TSHZ2: variants seen among roughly 807,000 people sequenced by gnomAD.
TSHZ2 encodes the protein teashirt zinc finger homeobox 2.
Under a neutral mutation model 74.4 loss-of-function variants are expected in TSHZ2, and 21 were observed. That is an observed-to-expected ratio of 0.28 (90% confidence interval 0.20 to 0.41). TSHZ2 has a LOEUF of 0.41. Among genes scored for constraint, TSHZ2 ranks in the 10% least tolerant of loss-of-function variants. TSHZ2 has a pLI of 1.00. For synonymous variants in TSHZ2, 540 were observed against 515.3 expected, an observed-to-expected ratio of 1.05 and a Z score of -0.65; for missense variants, 1,244 against 1,293.5, an observed-to-expected ratio of 0.96 and a Z score of 0.59.
intron 1 of TSHZ2, among the ~76,000 whole-genome samples, chr20:53,036,490 T>A (rs537188652): frequency 6.6e-6 from 1 of 151,258 alleles, no homozygotes; most frequent in Non-Finnish European, 1.5e-5. Flanking sequence ...CACATATACA[T>A]ACACACATAT....
intron 2 of TSHZ2, among the ~76,000 whole-genome samples, chr20:53,454,327 G>C (rs186120389): frequency 2.4e-4 from 36 of 152,246 alleles, no homozygotes; most frequent in African/African-American, 8.7e-4. Context: ...ACTTTGGGAG[G>C]CCAAGGCAGG....
intron 1 of TSHZ2, among the ~76,000 whole-genome samples, 195 bp from the exon 2 acceptor site, chr20:53,253,304 A>G (rs1181601615): frequency 1.0e-5 from 1 of 95,342 alleles, no homozygotes; most frequent in Admixed American, 9.5e-5. Flanking sequence ...GCCAATTGAA[A>G]AAAAAAAAAA....
chr20:53,139,497 C>A lies in TSHZ2; in HGVS notation c.41-114002C>A, dbSNP rs146101755. ...CGTTTACTCTGCCCTGCTGTGGTACCAGCTGCCAGCCTGGAGTACTTTCCT... is the reference window on the plus strand; with the variant it reads ...CGTTTACTCTGCCCTGCTGTGGTACAAGCTGCCAGCCTGGAGTACTTTCCT... On this transcript the variant is annotated intron_variant, in intron 1 of 2. Coordinates refer to ENST00000371497, the MANE Select transcript of TSHZ2 (RefSeq NM_173485.6). Among the ~76,000 whole-genome samples, 1,341 of 152,254 alleles carry A rather than the reference C, an allele frequency of 8.8e-3. 23 individuals are homozygous for A. Among genetic ancestry groups the A allele is most frequent in the African/African-American group, 0.03 (1,238 of 41,552 alleles).
At chr20:53,223,727 C>A (rs1989616551) in intron 1 of TSHZ2, among the ~76,000 whole-genome samples, 1 of 151,882 alleles carries the variant, frequency 6.6e-6, no homozygotes, top group South Asian at 2.1e-4. Flanking sequence ...CTTGTAATGA[C>A]CAAATTATGG....
chr20:53,092,984 G>C (rs1985929657), intron 1 of TSHZ2, among the ~76,000 whole-genome samples: 1 of 152,186 alleles, frequency 6.6e-6, no homozygotes, highest in South Asian at 2.1e-4. Context: ...AACAAGCGGT[G>C]AGCCGGATAT....
intron 2 of TSHZ2, among the ~76,000 whole-genome samples, chr20:53,472,206 C>A (rs1985828601): frequency 2.0e-5 from 3 of 152,186 alleles, no homozygotes; most frequent in Admixed American, 1.3e-4. Context: ...AGAAGGACAC[C>A]AAGTGGACTA....
chr20:53,363,442 A>T (rs1478437808), intron 2 of TSHZ2, among the ~76,000 whole-genome samples: 1 of 152,222 alleles, frequency 6.6e-6, no homozygotes. Context: ...CAAGGAGCAT[A>T]TCATTGGGAT....
intron 1 of TSHZ2, among the ~76,000 whole-genome samples, chr20:53,245,184 C>G (rs1485865701): frequency 1.3e-5 from 2 of 152,182 alleles, no homozygotes; most frequent in African/African-American, 4.8e-5. Context: ...GAAGCAGATA[C>G]TATTATTATT....
At chr20:53,163,386 T>TTTTTTTTTTG (rs57531331) in intron 1 of TSHZ2, among the ~76,000 whole-genome samples, 1 of 117,940 alleles carries the variant, frequency 8.5e-6, no homozygotes, top group Non-Finnish European at 1.8e-5. Context: ...TTTTTTTTTT[T>TTTTTTTTTTG]GAGGTTTCAG....
intron 1 of TSHZ2, among the ~76,000 whole-genome samples, chr20:52,973,552 T>C (rs1311363760): frequency 6.6e-6 from 1 of 152,172 alleles, no homozygotes; most frequent in African/African-American, 2.4e-5. Context: ...CCACCAAGCC[T>C]TTCCTCCTTA....
intron 1 of TSHZ2, among the ~76,000 whole-genome samples, chr20:53,203,191 ATTTTTTTT>A: frequency 7.7e-6 from 1 of 130,544 alleles, no homozygotes. Context: ...GCAGACTCAA[ATTTTTTTT>A]TTTTTTTTTT....
At chr20:53,023,297 A>G (rs1224511233) in intron 1 of TSHZ2, among the ~76,000 whole-genome samples, 1 of 152,154 alleles carries the variant, frequency 6.6e-6, no homozygotes. Context: ...ATAGTCAGAG[A>G]TATAATCTAT....
intron 1 of TSHZ2, among the ~76,000 whole-genome samples, chr20:53,184,885 T>C (rs1988564285): frequency 6.6e-6 from 1 of 152,106 alleles, no homozygotes; most frequent in African/African-American, 2.4e-5. Context: ...TTTTTATATT[T>C]TTAGTATAGA....
intron 1 of TSHZ2, among the ~76,000 whole-genome samples, chr20:52,985,918 T>C (rs1981736672): frequency 6.6e-6 from 1 of 152,218 alleles, no homozygotes; most frequent in Non-Finnish European, 1.5e-5. Flanking sequence ...GAGTGGTAGA[T>C]TAAGTAGCAT....
At chr20:53,354,876 C>G (rs1426461968) in intron 2 of TSHZ2, among the ~76,000 whole-genome samples, 1 of 152,188 alleles carries the variant, frequency 6.6e-6, no homozygotes, top group African/African-American at 2.4e-5. Flanking sequence ...TTCCTCAAGT[C>G]TTACAACTAC....
chr20:53,163,332 A>G (rs1987986053), intron 1 of TSHZ2, among the ~76,000 whole-genome samples: 1 of 139,552 alleles, frequency 7.2e-6, no homozygotes, highest in African/African-American at 2.7e-5. Context: ...GGTGGCTTCC[A>G]TCTTAAGTGC....
chr20:53,280,924 C>T (rs1991049383), intron 2 of TSHZ2, among the ~76,000 whole-genome samples: 1 of 152,172 alleles, frequency 6.6e-6, no homozygotes, highest in African/African-American at 2.4e-5. Context: ...GATCTCCTGA[C>T]CTCGTGATCC....
At chr20:53,445,148 C>T (rs1200821278) in intron 2 of TSHZ2, among the ~76,000 whole-genome samples, 3 of 152,202 alleles carry the variant, frequency 2.0e-5, no homozygotes, top group African/African-American at 7.2e-5. Flanking sequence ...TTTCTGAATG[C>T]AGCAGCTACC....
At chr20:53,085,474 G>A (rs530119082) in intron 1 of TSHZ2, among the ~76,000 whole-genome samples, 1 of 152,116 alleles carries the variant, frequency 6.6e-6, no homozygotes, top group Admixed American at 6.5e-5. Flanking sequence ...CTGTCAGTGG[G>A]GAAACACACC....
Sources: allele counts gnomAD v4.1 joint callset (sites outside exome capture counted in the v4.1 genomes callset), GRCh38; gene constraint gnomAD v4.1.1; transcripts MANE v1.5; gene names NCBI Gene and HGNC (gene_info 2026-07-23, HGNC 2026-07-21).